Variants in RPH3AL observed in about 807,000 individuals in gnomAD.
RPH3AL encodes the protein rab effector Noc2.
Under a neutral mutation model 43.1 loss-of-function variants are expected in RPH3AL, and 38 were observed. That is an observed-to-expected ratio of 0.88 (90% CI 0.68 to 1.15). The LOEUF (loss-of-function observed/expected upper bound fraction) is 1.15, where lower values mean the gene tolerates loss of function less well. Ranked by LOEUF, RPH3AL falls within the 50% of genes most tolerant of loss-of-function variation. The pLI is 0.00. For missense variants in RPH3AL, 462 were observed against 423.2 expected (o/e 1.09, Z -0.81); for synonymous variants, 189 against 176.3 (o/e 1.07, Z -0.57).
At chr17:316,015 C>T (rs1321232959) in intron 5 of RPH3AL, among the ~76,000 whole-genome samples, 90 of 148,998 alleles carry the variant, frequency 6.0e-4, no homozygotes, top group African/African-American at 2.2e-3. Context: ...ACCTGTAGTC[C>T]CTGTGCCCCC....
intron 5 of RPH3AL, among the ~76,000 whole-genome samples, chr17:302,234 T>C (rs2043347285): frequency 6.6e-6 from 1 of 152,168 alleles, no homozygotes; most frequent in Admixed American, 6.5e-5. Flanking sequence ...CGAGAGAGTC[T>C]CTCGTCCAGC....
intron 9 of RPH3AL, among the ~76,000 whole-genome samples, 170 bp from the exon 10 acceptor site, chr17:214,093 GC>G (rs1359838782): frequency 6.6e-6 from 1 of 152,224 alleles, no homozygotes; most frequent in Non-Finnish European, 1.5e-5. Flanking sequence ...GCTCTGCTCT[GC>G]TGTGTGATGG....
intron 5 of RPH3AL, among the ~76,000 whole-genome samples, chr17:317,597 C>T (rs2044322207): frequency 6.6e-6 from 1 of 152,146 alleles, no homozygotes; most frequent in African/African-American, 2.4e-5. Context: ...AAGGAGGAGC[C>T]CGCACAGTCT....
At chr17:261,691 G>A (rs1284721513) in intron 6 of RPH3AL, 2 of 152,160 alleles carry the variant, frequency 1.3e-5, no homozygotes, top group Non-Finnish European at 2.9e-5. Context: ...CACAATGGGA[G>A]GGCAGAACAC....
intron 6 of RPH3AL, among the ~76,000 whole-genome samples, chr17:269,310 T>C (rs939078173): frequency 4.6e-5 from 7 of 152,204 alleles, no homozygotes; most frequent in African/African-American, 1.7e-4. Context: ...GACCTACTTA[T>C]TCTTTTTCCT....
At chr17:251,943 C>T (rs1437176421) in intron 6 of RPH3AL, among the ~76,000 whole-genome samples, 1 of 151,788 alleles carries the variant, frequency 6.6e-6, no homozygotes, top group African/African-American at 2.4e-5. Flanking sequence ...CTGTCTCCCC[C>T]ACCCGCCTTG....
Position 321,367 on chromosome 17 carries a change from C to T in RPH3AL, c.126G>A (p.Arg42=). 3 of 1,611,602 alleles carry T rather than the reference C, an allele frequency of 1.9e-6. No homozygotes were observed. Among genetic ancestry groups the T allele is most frequent in the Non-Finnish European group, 2.5e-6 (3 of 1,179,944 alleles). Residue 42 remains arginine (R), a synonymous_variant, in exon 4 of 10, where the codon AGG becomes AGA. Transcript: ENST00000331302. Reference sequence around the variant, plus strand: ...CCGCCGGGCTGAGGTGCTGCTTCCTCCTCTGCTTCTCCGTCTGGTAGGTGT... The same window carrying T: ...CCGCCGGGCTGAGGTGCTGCTTCCTTCTCTGCTTCTCCGTCTGGTAGGTGT... The part of the protein sequence containing the change: ...SVHTYQTEKQ[R]RKQHLSPAEV...
At chr17:314,307 G>A (rs78928191) in intron 5 of RPH3AL, among the ~76,000 whole-genome samples, 3 of 151,852 alleles carry the variant, frequency 2.0e-5, no homozygotes, top group East Asian at 3.9e-4. Context: ...GCAGCTGTGG[G>A]GTTGAGAGAC....
chr17:293,644 C>T (rs1274546962), intron 5 of RPH3AL, among the ~76,000 whole-genome samples: 4 of 152,120 alleles, frequency 2.6e-5, no homozygotes, highest in African/African-American at 4.8e-5. Context: ...CGTGCAGCAC[C>T]GGTGATGGGA....
At chr17:232,562 G>A (rs79871638) in intron 7 of RPH3AL, among the ~76,000 whole-genome samples, 7,162 of 152,242 alleles carry the variant, frequency 0.047, 245 homozygotes, top group East Asian at 0.12. Context: ...CGGTGGCCTC[G>A]GGCAGTGCAG....
intron 6 of RPH3AL, among the ~76,000 whole-genome samples, chr17:249,456 G>A (rs4129926): frequency 0.33 from 49,874 of 151,754 alleles, 8,636 homozygotes; most frequent in African/African-American, 0.39. Flanking sequence ...TGCCAGGCAC[G>A]GAGCAGCCTC....
At chr17:233,500 GCA>G (rs2041279442) in intron 7 of RPH3AL, among the ~76,000 whole-genome samples, 1 of 152,144 alleles carries the variant, frequency 6.6e-6, no homozygotes, top group Non-Finnish European at 1.5e-5. Flanking sequence ...CATGATCATG[GCA>G]GCCACTAGGG....
chr17:342,315 AAC>A (rs1213758490), intron 1 of RPH3AL, among the ~76,000 whole-genome samples: 1 of 152,232 alleles, frequency 6.6e-6, no homozygotes, highest in African/African-American at 2.4e-5. Context: ...TCAACAAGTT[AAC>A]ACACAATTAT....
At chr17:299,472 G>A (rs2043266813) in intron 5 of RPH3AL, among the ~76,000 whole-genome samples, 1 of 152,206 alleles carries the variant, frequency 6.6e-6, no homozygotes, top group Non-Finnish European at 1.5e-5. Flanking sequence ...AAGGACCCTG[G>A]GGGAAATGAA....
rs1555519926 is a variant in RPH3AL at position 315,426 on chromosome 17, C to A, written c.351+3994G>T. 2.0e-5 allele frequency among the ~76,000 whole-genome samples: 3 copies of A among 151,944 alleles called. No homozygotes were observed. The East Asian group carries it at 5.8e-4, about 29-fold the overall frequency. ...GTCCCTGTGCCCCCACCTCCATTGA[C>A]CTGTAGTCCCTGTGCCTCACCTCCA... On this transcript the variant is annotated intron_variant, in intron 5 of 9. Transcript: ENST00000331302.
chr17:314,475 C>A (rs1555518191), intron 5 of RPH3AL, among the ~76,000 whole-genome samples: 46 of 138,544 alleles, frequency 3.3e-4, no homozygotes, highest in Non-Finnish European at 6.9e-4. Context: ...ATGCCCCCAC[C>A]TCCATTGACC....
At chr17:297,225 C>T (rs2043205236) in intron 5 of RPH3AL, among the ~76,000 whole-genome samples, 1 of 152,244 alleles carries the variant, frequency 6.6e-6, no homozygotes, top group South Asian at 2.1e-4. Context: ...ACATGCCCCA[C>T]CCAGGGCACC....
At chr17:308,679 G>C (rs904093693) in intron 5 of RPH3AL, among the ~76,000 whole-genome samples, 1 of 152,204 alleles carries the variant, frequency 6.6e-6, no homozygotes, top group Non-Finnish European at 1.5e-5. Flanking sequence ...ATTATGCAAA[G>C]GGCACCTGGT....
intron 6 of RPH3AL, among the ~76,000 whole-genome samples, chr17:278,223 G>A (rs889705823): frequency 6.6e-6 from 1 of 152,114 alleles, no homozygotes; most frequent in African/African-American, 2.4e-5. Flanking sequence ...GGTTTTATAA[G>A]AAGAAACTCC....
Sources: allele counts gnomAD v4.1 joint callset (sites outside exome capture counted in the v4.1 genomes callset), GRCh38; gene constraint gnomAD v4.1.1; transcripts MANE v1.5; gene names NCBI Gene and HGNC (gene_info 2026-07-23, HGNC 2026-07-21).